Variants in CDH1 observed in about 807,000 individuals in gnomAD.
CDH1 encodes the protein cadherin-1.
CDH1 carries 35 observed loss-of-function variants against 84.5 expected under a neutral mutation model. The observed-to-expected ratio is 0.41, with a 90% CI of 0.32 to 0.55. The LOEUF (loss-of-function observed/expected upper bound fraction) is 0.55, where lower values mean the gene tolerates loss of function less well. Among genes scored for constraint, CDH1 ranks in the 20% least tolerant of loss-of-function variants. The probability of loss-of-function intolerance (pLI) is 0.19; values close to 1 mark genes in which losing one functional copy is unlikely to be tolerated. For synonymous variants in CDH1, 417 were observed against 439.0 expected (o/e 0.95, Z 0.63); for missense variants, 994 against 1,126.6 (o/e 0.88, Z 1.68).
At chr16:68,753,420 C>G (rs577656546) in intron 2 of CDH1, among the ~76,000 whole-genome samples, 201 of 151,710 alleles carry the variant, frequency 1.3e-3, no homozygotes, top group Non-Finnish European at 2.1e-3. Flanking sequence ...AATCTTGGCT[C>G]ACTGCAACCT....
chr16:68,760,086 A>ATAT (rs1486542814), intron 2 of CDH1, among the ~76,000 whole-genome samples: 76 of 122,134 alleles, frequency 6.2e-4, no homozygotes, highest in African/African-American at 7.9e-4. Context: ...ATATATATAT[A>ATAT]TTTTTTTTTT....
intron 2 of CDH1, among the ~76,000 whole-genome samples, chr16:68,768,809 G>A (rs1959460946): frequency 6.6e-6 from 1 of 152,174 alleles, no homozygotes; most frequent in South Asian, 2.1e-4. Context: ...CTTATATGTT[G>A]TAATATAAAT....
chr16:68,739,907 G>A (rs1461465092), intron 2 of CDH1, among the ~76,000 whole-genome samples: 2 of 152,110 alleles, frequency 1.3e-5, no homozygotes, highest in Non-Finnish European at 1.5e-5. Flanking sequence ...GAGCCAGCAC[G>A]CCTGGCCAGG....
At chr16:68,737,907 G>A (rs1387726874) in intron 1 of CDH1, among the ~76,000 whole-genome samples, 1 of 152,226 alleles carries the variant, frequency 6.6e-6, no homozygotes, top group Non-Finnish European at 1.5e-5. Flanking sequence ...GTAAATAGGA[G>A]TGAGGGTCCC....
chr16:68,829,765 A>G lies in CDH1; in HGVS notation c.2407A>G (p.Asn803Asp), dbSNP rs780510260. ...CCCCCGGTATCTTCCCCGCCCTGCCAATCCCGATGAAATTGGAAATTTTAT... is the reference window on the plus strand; with the variant it reads ...CCCCCGGTATCTTCCCCGCCCTGCCGATCCCGATGAAATTGGAAATTTTAT... Reference protein sequence around the residue: ...SVPRYLPRPANPDEIGNFIDE... With the variant: ...SVPRYLPRPADPDEIGNFIDE... Residue 803 changes from asparagine (N) to aspartate (D), a missense_variant, in exon 15 of 16, where the codon AAT (asparagine) becomes GAT (aspartate). Around this residue, in one of 3 missense-constraint regions of CDH1, gnomAD observed 769 missense variants for 881.8 expected, o/e 0.87. Coordinates refer to ENST00000261769, the MANE Select transcript of CDH1 (RefSeq NM_004360.5). 2.5e-6 allele frequency: 4 copies of G among 1,613,974 alleles called. No homozygotes were observed. The South Asian group carries it at 4.4e-5, about 18-fold the overall frequency.
chr16:68,741,419 C>T (rs1020515787), intron 2 of CDH1, among the ~76,000 whole-genome samples: 4 of 152,126 alleles, frequency 2.6e-5, no homozygotes, highest in African/African-American at 9.7e-5. Flanking sequence ...ATGGATGTAA[C>T]ATTGGCACCA....
At chr16:68,739,119 T>G (rs1962489833) in intron 2 of CDH1, among the ~76,000 whole-genome samples, 1 of 151,722 alleles carries the variant, frequency 6.6e-6, no homozygotes, top group Non-Finnish European at 1.5e-5. Context: ...CTGGATAATT[T>G]TAACTTTTTT....
intron 2 of CDH1, among the ~76,000 whole-genome samples, chr16:68,771,959 G>A (rs571752184): frequency 2.0e-5 from 3 of 152,178 alleles, no homozygotes; most frequent in South Asian, 2.1e-4. Context: ...CATCCCCTTA[G>A]GAAATAGAGA....
At chr16:68,745,699 AG>A (rs1222694307) in intron 2 of CDH1, among the ~76,000 whole-genome samples, 1 of 151,052 alleles carries the variant, frequency 6.6e-6, no homozygotes, top group East Asian at 1.9e-4. Context: ...GCTCTGTCCC[AG>A]CCCCTGAGAT....
At chr16:68,769,979 C>CT (rs34018552) in intron 2 of CDH1, among the ~76,000 whole-genome samples, 3,599 of 125,182 alleles carry the variant, frequency 0.029, 48 homozygotes, top group South Asian at 0.045. Flanking sequence ...CCGCAGCTGG[C>CT]TTTTTTTTTT....
chr16:68,826,866 G>C (rs983367766), intron 13 of CDH1, among the ~76,000 whole-genome samples: 5 of 152,200 alleles, frequency 3.3e-5, no homozygotes, highest in Non-Finnish European at 7.3e-5. Context: ...GGACAAGGGA[G>C]TTATGCTGTT....
intron 2 of CDH1, chr16:68,770,930 A>G (rs1353059174): frequency 6.8e-6 from 1 of 147,574 alleles, no homozygotes; most frequent in Non-Finnish European, 1.5e-5. Context: ...CTCTGCCTCC[A>G]TCAGCTTCCA....
intron 2 of CDH1, among the ~76,000 whole-genome samples, chr16:68,781,429 T>C (rs1959874463): frequency 6.6e-6 from 1 of 152,120 alleles, no homozygotes; most frequent in South Asian, 2.1e-4. Context: ...AGCCTTGACC[T>C]CCTGGGCTCA....
chr16:68,794,852 A>ATTT (rs10716052), intron 2 of CDH1, among the ~76,000 whole-genome samples: 1 of 144,562 alleles, frequency 6.9e-6, no homozygotes, highest in African/African-American at 2.5e-5. Flanking sequence ...ATGCCCAGCT[A>ATTT]TTTTTTTTTT....
intron 2 of CDH1, among the ~76,000 whole-genome samples, chr16:68,796,635 G>A (rs1480857348): frequency 6.6e-6 from 1 of 152,100 alleles, no homozygotes; most frequent in African/African-American, 2.4e-5. Flanking sequence ...CTCTCTTGGG[G>A]TCCTCTCTTG....
At chr16:68,764,299 A>G (rs138439096) in intron 2 of CDH1, among the ~76,000 whole-genome samples, 2,814 of 152,300 alleles carry the variant, frequency 0.018, 53 homozygotes, top group Admixed American at 0.039. Context: ...GGAGCTGGCC[A>G]GGCATGGTGG....
intron 3 of CDH1, 83 bp downstream of exon 3, chr16:68,801,976 A>T (rs2152127172): frequency 8.6e-7 from 1 of 1,159,134 alleles, no homozygotes. Flanking sequence ...TACCGTTGAC[A>T]TTTTGGGCTG....
intron 12 of CDH1, 31 bp downstream of exon 12, chr16:68,822,256 T>C (rs1374611500): frequency 3.4e-6 from 5 of 1,452,636 alleles, no homozygotes; most frequent in Non-Finnish European, 4.8e-6. Context: ...TTGGCAACTT[T>C]GCTCCAACTG....
In CDH1 at chr16:68,778,299, G is replaced by C. The variant is rs185143498; in HGVS notation, c.164-23371G>C. ...CTGACCTTGTGATCCGCCTGCCTTG[G>C]CCTCCCAAAATGCTGGGATTACAGG... On this transcript the variant is annotated intron_variant, in intron 2 of 15. Transcript: ENST00000261769. Among the ~76,000 whole-genome samples the C allele has an allele frequency of 5.2e-4, 79 of 152,284 alleles. 1 individual carries two copies. The highest frequency in any genetic ancestry group is 3.4e-3 in the Middle Eastern group (1 of 294).
Sources: gnomAD v4.1 joint callset for allele counts (sites outside exome capture counted in the v4.1 genomes callset) on GRCh38, gnomAD v4.1.1 for gene constraint, gnomAD v4.1.1 regional missense constraint, MANE v1.5 for transcripts, NCBI Gene and HGNC (gene_info 2026-07-23, HGNC 2026-07-21) for gene names.